The following SPIDR variants were observed in gnomAD, a reference collection of about 807,000 sequenced individuals.
The protein encoded by SPIDR is DNA repair-scaffolding protein.
SPIDR carries 93 observed loss-of-function variants against 104.6 expected under a neutral mutation model. The observed-to-expected ratio is 0.89, with a 90% confidence interval of 0.75 to 1.06. The LOEUF is 1.06. Ranked by LOEUF, SPIDR falls within the 50% of genes least tolerant of loss-of-function variation. The pLI is 0.00. For missense variants in SPIDR, 1,154 were observed against 1,111.2 expected (o/e 1.04, Z -0.55); for synonymous variants, 431 against 416.9 (o/e 1.03, Z -0.41).
intron 8 of SPIDR, among the ~76,000 whole-genome samples, chr8:47,575,660 A>G (rs376155135): frequency 1.0e-3 from 139 of 136,344 alleles, no homozygotes; most frequent in South Asian, 9.5e-3. Context: ...AAAAAAAAAA[A>G]AAAGAAAGAA....
chr8:47,411,163 G>T (rs1224546338), intron 7 of SPIDR, among the ~76,000 whole-genome samples: 1 of 152,126 alleles, frequency 6.6e-6, no homozygotes, highest in Non-Finnish European at 1.5e-5. Context: ...ATAATCCTTT[G>T]GGTATATACC....
At chr8:47,450,790 A>G (rs1296637543) in intron 8 of SPIDR, among the ~76,000 whole-genome samples, 1 of 152,226 alleles carries the variant, frequency 6.6e-6, no homozygotes, top group Admixed American at 6.5e-5. Flanking sequence ...TATCGAAATA[A>G]CTACCAACCT....
intron 10 of SPIDR, among the ~76,000 whole-genome samples, chr8:47,625,542 C>G (rs2065922367): frequency 6.6e-6 from 1 of 152,194 alleles, no homozygotes; most frequent in Non-Finnish European, 1.5e-5. Context: ...AGCAAAGTCT[C>G]AGGATACAAA....
intron 7 of SPIDR, among the ~76,000 whole-genome samples, chr8:47,424,545 TG>T (rs1554683326): frequency 6.6e-6 from 1 of 152,200 alleles, no homozygotes; most frequent in African/African-American, 2.4e-5. Flanking sequence ...CTCGAACTCT[TG>T]GCCTCAAGGG....
chr8:47,456,710 C>T (rs1260200061), intron 8 of SPIDR, among the ~76,000 whole-genome samples: 1 of 152,108 alleles, frequency 6.6e-6, no homozygotes, highest in African/African-American at 2.4e-5. Flanking sequence ...GCACCCATCA[C>T]CCAAGCAGTA....
chr8:47,269,985 T>C (rs1586097007), intron 1 of SPIDR, among the ~76,000 whole-genome samples: 1 of 152,248 alleles, frequency 6.6e-6, no homozygotes, highest in African/African-American at 2.4e-5. Context: ...ACATTAACTT[T>C]GTATTCCTGG....
chr8:47,537,149 T>G (rs944325079), intron 8 of SPIDR, among the ~76,000 whole-genome samples: 1 of 152,246 alleles, frequency 6.6e-6, no homozygotes, highest in African/African-American at 2.4e-5. Flanking sequence ...TGGAAGGCAC[T>G]TCAGCACTTT....
intron 5 of SPIDR, among the ~76,000 whole-genome samples, chr8:47,363,801 G>A (rs1357937272): frequency 2.0e-5 from 3 of 151,566 alleles, no homozygotes; most frequent in African/African-American, 7.3e-5. Context: ...GTGGTGGCCA[G>A]CTACCAGAGT....
At chr8:47,268,100 C>T (rs1177088885) in intron 1 of SPIDR, among the ~76,000 whole-genome samples, 3 of 152,168 alleles carry the variant, frequency 2.0e-5, no homozygotes, top group Non-Finnish European at 4.4e-5. Flanking sequence ...TGTTCTTTCT[C>T]CTTGAATTGT....
intron 8 of SPIDR, among the ~76,000 whole-genome samples, chr8:47,466,982 G>T (rs1481768570): frequency 6.8e-6 from 1 of 148,142 alleles, no homozygotes; most frequent in Non-Finnish European, 1.5e-5. Flanking sequence ...AGACTAAACA[G>T]AAGAAAAGAG....
At position 47,513,390 on chromosome 8, in the gene SPIDR, G is replaced by A. The variant is rs541558033; in HGVS notation, c.1097+72848G>A. Among the ~76,000 whole-genome samples, 71 of 152,128 alleles carry A rather than the reference G, an allele frequency of 4.7e-4. No individual in the cohort carries two copies. In the South Asian group the frequency reaches 0.014, roughly 30 times the overall value. The stretch of plus-strand genomic sequence containing the variant: ...GTACCTCTGTTCAAAATCACTATAC[G>A]GGTTTAGCTAATTACAATCTATACG... On this transcript the variant is annotated intron_variant, in intron 8 of 19. Transcript: ENST00000297423.
chr8:47,418,616 TCTC>T (rs1306889914), intron 7 of SPIDR, among the ~76,000 whole-genome samples: 17 of 152,278 alleles, frequency 1.1e-4, no homozygotes, highest in African/African-American at 4.1e-4. Context: ...TTTATTTCCT[TCTC>T]CTGCCTGATT....
intron 14 of SPIDR, among the ~76,000 whole-genome samples, chr8:47,709,928 G>T (rs2081613059): frequency 6.7e-6 from 1 of 149,754 alleles, no homozygotes; most frequent in Non-Finnish European, 1.5e-5. Flanking sequence ...TCAGGCTGGA[G>T]TTGCAGTGGT....
chr8:47,333,357 A>C (rs1343634797), intron 5 of SPIDR, among the ~76,000 whole-genome samples: 1 of 152,200 alleles, frequency 6.6e-6, no homozygotes, highest in Non-Finnish European at 1.5e-5. Context: ...TCTGGAATGC[A>C]GTGGTGCAAT....
chr8:47,638,334 C>T (rs1290559285), intron 10 of SPIDR, among the ~76,000 whole-genome samples: 1 of 152,108 alleles, frequency 6.6e-6, no homozygotes, highest in Non-Finnish European at 1.5e-5. Context: ...AAAAAAGAGA[C>T]AGGGTCTCAC....
chr8:47,639,005 A>G (rs919489053), intron 10 of SPIDR, among the ~76,000 whole-genome samples: 28 of 152,376 alleles, frequency 1.8e-4, no homozygotes, highest in East Asian at 1.3e-3. Context: ...TATTGAAAGA[A>G]TGTGCATTCT....
chr8:47,584,818 C>G (rs896113264), intron 8 of SPIDR, among the ~76,000 whole-genome samples: 3 of 152,154 alleles, frequency 2.0e-5, no homozygotes. Context: ...CAGTGCCAGA[C>G]ACTGCACCCA....
At chr8:47,322,381 C>G (rs1410528725) in intron 5 of SPIDR, among the ~76,000 whole-genome samples, 1 of 152,182 alleles carries the variant, frequency 6.6e-6, no homozygotes, top group Non-Finnish European at 1.5e-5. Flanking sequence ...ATCGAAACCA[C>G]AATGAGATAC....
chr8:47,619,923 G>T (rs1036914763), intron 10 of SPIDR, among the ~76,000 whole-genome samples: 5 of 152,014 alleles, frequency 3.3e-5, no homozygotes, highest in African/African-American at 1.2e-4. Context: ...AATGAAAAAA[G>T]GAATAAGGAG....
Sources: gnomAD v4.1 joint callset for allele counts (sites outside exome capture counted in the v4.1 genomes callset) on GRCh38, gnomAD v4.1.1 for gene constraint, MANE v1.5 for transcripts, NCBI Gene and HGNC (gene_info 2026-07-23, HGNC 2026-07-21) for gene names.